The following CRTAP variants were observed in gnomAD, a reference collection of about 807,000 sequenced individuals.
CRTAP encodes cartilage-associated protein.
In CRTAP, 33 loss-of-function variants were observed where a neutral mutation model predicts 42.7. The ratio of observed to expected loss-of-function variants is 0.77; its 90% CI spans 0.59 to 1.03. The LOEUF (loss-of-function observed/expected upper bound fraction) is 1.03, where lower values mean the gene tolerates loss of function less well. CRTAP is among the 50% of genes least tolerant of loss of function. The probability of loss-of-function intolerance (pLI) is 0.00; values close to 1 mark genes in which losing one functional copy is unlikely to be tolerated. For synonymous variants in CRTAP, 243 were observed against 217.7 expected, an observed-to-expected ratio of 1.12 and a Z score of -1.02; for missense variants, 613 against 533.9, an observed-to-expected ratio of 1.15 and a Z score of -1.46.
chr3:33,134,864 C>T (rs1319899458), intron 6 of CRTAP, among the ~76,000 whole-genome samples: 1 of 152,112 alleles, frequency 6.6e-6, no homozygotes, highest in Non-Finnish European at 1.5e-5. Context: ...AAGCTGGGGA[C>T]TTGTCAGCTA....
rs765558103 is a variant in CRTAP at position 33,130,525 on chromosome 3, CTTTTTTTTTTTTTTT to C, written c.922+469_922+483del. Among the ~76,000 whole-genome samples, 10 of 55,228 alleles carry C rather than the reference CTTTTTTTTTTTTTTT, an allele frequency of 1.8e-4. 1 individual carries two copies. Among genetic ancestry groups the C allele is most frequent in the South Asian group, 1.1e-3 (1 of 890 alleles). The allele number at this position is 55,228 out of a possible 152,430, so 36.2% of individuals were successfully genotyped here. A position where few individuals can be genotyped will look rare whatever the true frequency, so the allele number is the denominator to read the frequency against. On this transcript the variant is annotated intron_variant, in intron 4 of 6. Transcript: ENST00000320954. ...CTTTTTTCTTTCTTTCTTTTCTTTT[CTTTTTTTTTTTTTTT>C]TTTTTTTTTTGAGACAGAGTCTTGC... is the stretch of plus-strand genomic sequence containing the variant.
rs1010856136 is a variant in CRTAP, at chr3:33,134,064, A to G, written c.1069-118A>G. Reference sequence around the variant, plus strand: ...TCAGAGTTGTACAGCCATTACCACTATCTAATTTTAAACATTTTCATCACC... The same window carrying G: ...TCAGAGTTGTACAGCCATTACCACTGTCTAATTTTAAACATTTTCATCACC... On this transcript the variant is annotated intron_variant, in intron 5 of 6. Transcript: ENST00000320954. 5 of 741,140 alleles carry G rather than the reference A, an allele frequency of 6.7e-6. No homozygotes were observed. In the African/African-American group the frequency reaches 8.7e-5, roughly 13 times the overall value. 45.9% of individuals were successfully genotyped at this position (741,140 alleles called of 1,614,324 possible). A position where few individuals can be genotyped will look rare whatever the true frequency, so the allele number is the denominator to read the frequency against.
intron 6 of CRTAP, among the ~76,000 whole-genome samples, chr3:33,137,102 A>C (rs1420894047): frequency 1.3e-5 from 2 of 151,966 alleles, no homozygotes; most frequent in African/African-American, 4.8e-5. Context: ...AGTGGATGCA[A>C]GTAGTATTTC....
At chr3:33,122,060 T>C (rs1160599834) in intron 2 of CRTAP, among the ~76,000 whole-genome samples, 1 of 152,192 alleles carries the variant, frequency 6.6e-6, no homozygotes, top group Non-Finnish European at 1.5e-5. Context: ...TGCTGCTTGC[T>C]CCCTTCCCAT....
chr3:33,115,761 T>C lies in CRTAP; in HGVS notation c.471+1213T>C, dbSNP rs562825037. 5.9e-5 allele frequency among the ~76,000 whole-genome samples: 9 copies of C among 152,146 alleles called. No homozygotes were observed. In the South Asian group the frequency reaches 1.9e-3, roughly 32 times the overall value. ...TTTCTGGACTGCAAGATCTGTTTTTTCAGATTTCCACCGAGACAGAGCCAC... is the reference window on the plus strand; with the variant it reads ...TTTCTGGACTGCAAGATCTGTTTTTCCAGATTTCCACCGAGACAGAGCCAC... On this transcript the variant is annotated intron_variant, in intron 1 of 6. Coordinates refer to ENST00000320954, the MANE Select transcript of CRTAP (RefSeq NM_006371.5).
At chr3:33,122,705 G>T (rs2029916430) in intron 2 of CRTAP, among the ~76,000 whole-genome samples, 1 of 76,566 alleles carries the variant, frequency 1.3e-5, no homozygotes, top group Admixed American at 1.7e-4. Flanking sequence ...GCAAGACTCT[G>T]TCTCAAAAAA....
chr3:33,127,099 C>CTTTTTTTTTTTTTTTTTTTTTT (rs11302536), intron 3 of CRTAP, among the ~76,000 whole-genome samples: 1 of 135,910 alleles, frequency 7.4e-6, no homozygotes, highest in Admixed American at 7.3e-5. Flanking sequence ...AGATTTGTGG[C>CTTTTTTTTTTTTTTTTTTTTTT]TTTTTTTTTT....
chr3:33,118,650 C>T (rs1701375650), intron 1 of CRTAP, among the ~76,000 whole-genome samples: 1 of 152,228 alleles, frequency 6.6e-6, no homozygotes, highest in Non-Finnish European at 1.5e-5. Context: ...ACCGAATTCC[C>T]TAATTCCCGC....
rs1384534785 is a variant in CRTAP at position 33,147,515 on chromosome 3, A to G, written c.*5067A>G. ...CTGGCCGGTAAGATATTAGTGCCTCATTTTACAAGAAGAGAATAGGAAGGA... is the reference window on the plus strand; with the variant it reads ...CTGGCCGGTAAGATATTAGTGCCTCGTTTTACAAGAAGAGAATAGGAAGGA... On this transcript the variant is annotated 3_prime_UTR_variant, in exon 7 of 7. Coordinates refer to ENST00000320954, the MANE Select transcript of CRTAP (RefSeq NM_006371.5). 2 of 152,272 alleles carry G rather than the reference A, an allele frequency of 1.3e-5. No individual in the cohort carries two copies. Among genetic ancestry groups the G allele is most frequent in the Non-Finnish European group, 2.9e-5 (2 of 68,040 alleles). 9.4% of individuals were successfully genotyped at this position (152,272 alleles called of 1,614,324 possible).
chr3:33,140,064 C>G (rs562968352), intron 6 of CRTAP, among the ~76,000 whole-genome samples: 1 of 152,232 alleles, frequency 6.6e-6, no homozygotes, highest in South Asian at 2.1e-4. Flanking sequence ...AATTCCTGGC[C>G]TAAGGCTGTG....
chr3:33,119,714 A>C (rs1050013134), intron 1 of CRTAP, among the ~76,000 whole-genome samples: 1 of 152,148 alleles, frequency 6.6e-6, no homozygotes, highest in Non-Finnish European at 1.5e-5. Context: ...GGGTAATTGG[A>C]GGAAAGTTTA....
In CRTAP at chr3:33,114,032, CT is replaced by C. The variant is rs1333802774; in HGVS notation, c.-42del. The C allele has an allele frequency of 1.4e-6, 2 of 1,385,238 alleles. No individual in the cohort carries two copies. 85.8% of individuals were successfully genotyped at this position (1,385,238 alleles called of 1,614,324 possible). A position where few individuals can be genotyped will look rare whatever the true frequency, so the allele number is the denominator to read the frequency against. On this transcript the variant is annotated 5_prime_UTR_variant, in exon 1 of 7. Coordinates refer to ENST00000320954, the MANE Select transcript of CRTAP (RefSeq NM_006371.5). The stretch of plus-strand genomic sequence containing the variant: ...CCTCTTTCCTTTCCTTCTCCCTCCC[CT>C]TTTCCCTTCCTTCGTCCCTTCCTTC...
At chr3:33,118,737 C>T (rs1278075915) in intron 1 of CRTAP, among the ~76,000 whole-genome samples, 1 of 152,222 alleles carries the variant, frequency 6.6e-6, no homozygotes, top group Non-Finnish European at 1.5e-5. Context: ...CTAGGTTGTG[C>T]CAAGAGTCCA....
rs527794444 is a variant in CRTAP at position 33,131,201 on chromosome 3, AGT to A, written c.922+1136_922+1137del. 1.9e-4 allele frequency among the ~76,000 whole-genome samples: 28 copies of A among 148,954 alleles called. No homozygotes were observed. In the East Asian group the frequency reaches 3.0e-3, roughly 16 times the overall value. On this transcript the variant is annotated intron_variant, in intron 4 of 6. Coordinates refer to ENST00000320954, the MANE Select transcript of CRTAP (RefSeq NM_006371.5). Reference sequence around the variant, plus strand: ...GCTGGTCTCAGGGTGCCTTGGGAAGAGTGAGAGAGGTGATCTTGGCTTTAGCC... The same window carrying A: ...GCTGGTCTCAGGGTGCCTTGGGAAGAGAGAGAGGTGATCTTGGCTTTAGCC...
chr3:33,119,261 G>C (rs1701384466), intron 1 of CRTAP, among the ~76,000 whole-genome samples: 1 of 152,138 alleles, frequency 6.6e-6, no homozygotes, highest in South Asian at 2.1e-4. Flanking sequence ...TACTTATTGT[G>C]TCCTGCCTTG....
At chr3:33,118,935 G>C (rs934335085) in intron 1 of CRTAP, among the ~76,000 whole-genome samples, 1 of 152,244 alleles carries the variant, frequency 6.6e-6, no homozygotes, top group Admixed American at 6.5e-5. Context: ...TGCTCTCACA[G>C]ATCCCAAGGG....
At chr3:33,115,148 G>T (rs116190409) in intron 1 of CRTAP, 2 of 152,262 alleles carry the variant, frequency 1.3e-5, no homozygotes, top group Non-Finnish European at 2.9e-5. Context: ...GTTTCGCCAC[G>T]TTGCCCAGGC....
In CRTAP at chr3:33,114,104, G is replaced by A. The variant is rs748214555; in HGVS notation, c.27G>A (p.Ala9=). The change falls in exon 1 of 7, where the codon GCG becomes GCA. Residue 9 remains alanine, a synonymous_variant. Transcript: ENST00000320954. ...TGGAGCCGGGGCGCCGGGGGGCCGC[G>A]GCGCTGCTAGCGCTGCTGTGCGTGG... MEPGRRGA[A]ALLALLCVAC... 1.2e-5 allele frequency: 17 copies of A among 1,477,442 alleles called. No individual in the cohort carries two copies. Among genetic ancestry groups the A allele is most frequent in the Admixed American group, 5.0e-5 (2 of 40,368 alleles). 91.5% of individuals were successfully genotyped at this position (1,477,442 alleles called of 1,614,324 possible). A position where few individuals can be genotyped will look rare whatever the true frequency, so the allele number is the denominator to read the frequency against.
At chr3:33,120,654 C>A (rs1210872466) in intron 2 of CRTAP, among the ~76,000 whole-genome samples, 161 bp downstream of exon 2, 1 of 152,130 alleles carries the variant, frequency 6.6e-6, no homozygotes, top group Non-Finnish European at 1.5e-5. Flanking sequence ...ACAAAGTGAT[C>A]CATTTAATAA....
Sources: allele counts gnomAD v4.1 joint callset (sites outside exome capture counted in the v4.1 genomes callset), GRCh38; gene constraint gnomAD v4.1.1; transcripts MANE v1.5; gene names NCBI Gene and HGNC (gene_info 2026-07-23, HGNC 2026-07-21).